Variants in SEMA6D observed in about 807,000 individuals in gnomAD.
SEMA6D encodes semaphorin 6D.
Under a neutral mutation model 106.6 loss-of-function variants are expected in SEMA6D, and 35 were observed. The observed-to-expected ratio is 0.33, with a 90% confidence interval of 0.25 to 0.44. The LOEUF (loss-of-function observed/expected upper bound fraction) is 0.44. Ranked by LOEUF, SEMA6D falls within the 20% of genes least tolerant of loss-of-function variation. The pLI is 1.00. For synonymous variants in SEMA6D, 499 were observed against 487.7 expected (o/e 1.02, Z -0.31); for missense variants, 1,185 against 1,345.9 (o/e 0.88, Z 1.87).
At chr15:47,320,286 C>G (rs954983257) in intron 1 of SEMA6D, among the ~76,000 whole-genome samples, 1 of 152,164 alleles carries the variant, frequency 6.6e-6, no homozygotes, top group African/African-American at 2.4e-5. Context: ...CTCACTACAG[C>G]ACCATCCTCT....
chr15:47,457,364 A>C (rs760238545), intron 2 of SEMA6D, among the ~76,000 whole-genome samples: 6 of 152,018 alleles, frequency 3.9e-5, no homozygotes, highest in Non-Finnish European at 8.8e-5. Flanking sequence ...AAATAACATC[A>C]ATCAATATAA....
intron 1 of SEMA6D, among the ~76,000 whole-genome samples, chr15:47,196,402 T>C (rs879565038): frequency 2.6e-5 from 4 of 152,138 alleles, no homozygotes; most frequent in Admixed American, 2.6e-4. Context: ...ATTATATCCC[T>C]TGGGAGACCT....
chr15:47,555,561 A>G lies in SEMA6D; in HGVS notation c.-86-45304A>G, dbSNP rs577429227. ...AACATTATGTGGGTATGTGTAGTCC[A>G]AGTTACTAAATTTACTGAACATCAA... On this transcript the variant is annotated intron_variant, in intron 3 of 19. Transcript: ENST00000558014. Among the ~76,000 whole-genome samples, 10 of 152,276 alleles carry G rather than the reference A, an allele frequency of 6.6e-5. No individual in the cohort carries two copies. In the East Asian group the frequency reaches 1.9e-3, roughly 29 times the overall value.
rs576744793 is a variant in SEMA6D, at chr15:47,245,154, A to G, written c.-239+60736A>G. Among the ~76,000 whole-genome samples, 85 of 152,226 alleles carry G rather than the reference A, an allele frequency of 5.6e-4. 2 individuals are homozygous for G. The highest frequency in any genetic ancestry group is 3.3e-3 in the South Asian group (16 of 4,830). On this transcript the variant is annotated intron_variant, in intron 1 of 19. Coordinates refer to the SEMA6D transcript ENST00000558014. Reference sequence around the variant, plus strand: ...TTTTGTGAATGTGTATAGTACTGCAATGAATATACAAGTGCATGTGTCTTT... The same window carrying G: ...TTTTGTGAATGTGTATAGTACTGCAGTGAATATACAAGTGCATGTGTCTTT...
intron 3 of SEMA6D, among the ~76,000 whole-genome samples, chr15:47,478,514 G>A (rs567480766): frequency 2.1e-4 from 32 of 152,258 alleles, no homozygotes; most frequent in South Asian, 4.1e-4. Flanking sequence ...TAACCAGAAC[G>A]GTCAGGCTAA....
chr15:47,424,277 A>C (rs1273372177), intron 2 of SEMA6D, among the ~76,000 whole-genome samples: 1 of 152,068 alleles, frequency 6.6e-6, no homozygotes, highest in South Asian at 2.1e-4. Flanking sequence ...GATGTCTAAC[A>C]TGGAAATTTA....
At chr15:47,321,781 A>T (rs1023496471) in intron 1 of SEMA6D, among the ~76,000 whole-genome samples, 6 of 152,150 alleles carry the variant, frequency 3.9e-5, no homozygotes, top group African/African-American at 1.4e-4. Context: ...ATAGTTACAG[A>T]GAGTGGCTAC....
chr15:47,628,582 C>T (rs1566945264), intron 4 of SEMA6D, among the ~76,000 whole-genome samples: 1 of 151,934 alleles, frequency 6.6e-6, no homozygotes, highest in Non-Finnish European at 1.5e-5. Context: ...TTCCCATTCT[C>T]TAGTGGGATT....
At chr15:47,461,643 G>A (rs77105518) in intron 2 of SEMA6D, among the ~76,000 whole-genome samples, 3,492 of 152,122 alleles carry the variant, frequency 0.023, 84 homozygotes, top group African/African-American at 0.06. Flanking sequence ...GGATGTTCGG[G>A]AAAAGCTTCA....
chr15:47,322,763 T>C (rs1352540998), intron 1 of SEMA6D, among the ~76,000 whole-genome samples: 1 of 152,210 alleles, frequency 6.6e-6, no homozygotes, highest in African/African-American at 2.4e-5. Context: ...TAGTGTTAAT[T>C]GGTGGATGTT....
Position 47,770,624 on chromosome 15 carries a change from A to T in SEMA6D, c.2061A>T (p.Arg687=). The change falls in exon 19 of 19, where the codon CGA becomes CGT. Residue 687 remains arginine (R), a synonymous_variant. Transcript: ENST00000536845. ...CAGGTGTGGCAGTATACTGCTATCG[A>T]GACATGTTTGTTCGGAAAAACAGAA... is the stretch of plus-strand genomic sequence containing the variant. ...FIAGVAVYCY[R]DMFVRKNRKI... is the part of the protein sequence containing the mutation. 1 of 1,614,006 alleles carries T rather than the reference A, an allele frequency of 6.2e-7. No homozygotes were observed. Among genetic ancestry groups the T allele is most frequent in the Non-Finnish European group, 8.5e-7 (1 of 1,179,966 alleles).
At chr15:47,556,413 T>C (rs1289669338) in intron 3 of SEMA6D, among the ~76,000 whole-genome samples, 1 of 152,156 alleles carries the variant, frequency 6.6e-6, no homozygotes, top group Non-Finnish European at 1.5e-5. Flanking sequence ...TCATATGAAA[T>C]AGACCAAGAA....
chr15:47,388,518 C>T (rs1011673213), intron 1 of SEMA6D, among the ~76,000 whole-genome samples: 5 of 152,158 alleles, frequency 3.3e-5, no homozygotes, highest in Non-Finnish European at 7.3e-5. Flanking sequence ...AGTGTATTCA[C>T]GCTGCAGGCA....
intron 1 of SEMA6D, among the ~76,000 whole-genome samples, chr15:47,357,069 T>G (rs897561208): frequency 6.6e-6 from 1 of 151,682 alleles, no homozygotes; most frequent in African/African-American, 2.4e-5. Context: ...ATGCGGTGGC[T>G]CTCGTCTGTA....
At chr15:47,248,538 A>G (rs2033328260) in intron 1 of SEMA6D, among the ~76,000 whole-genome samples, 1 of 152,232 alleles carries the variant, frequency 6.6e-6, no homozygotes, top group Non-Finnish European at 1.5e-5. Context: ...CGGTTAAATT[A>G]TGTTTGCTAT....
At chr15:47,531,490 T>C (rs2142066153) in intron 3 of SEMA6D, among the ~76,000 whole-genome samples, 1 of 152,320 alleles carries the variant, frequency 6.6e-6, no homozygotes, top group South Asian at 2.1e-4. Flanking sequence ...GATGCTATTT[T>C]AAAAAAGCAC....
At chr15:47,485,960 G>A (rs2043284536) in intron 3 of SEMA6D, among the ~76,000 whole-genome samples, 1 of 152,190 alleles carries the variant, frequency 6.6e-6, no homozygotes, top group East Asian at 1.9e-4. Context: ...GAAAGGACAA[G>A]ATGTCCAGAA....
At chr15:47,327,220 G>C (rs189757564) in intron 1 of SEMA6D, among the ~76,000 whole-genome samples, 1 of 152,076 alleles carries the variant, frequency 6.6e-6, no homozygotes, top group Non-Finnish European at 1.5e-5. Flanking sequence ...TTCTTCACTT[G>C]TAAAATGCTG....
At chr15:47,750,040 T>A in intron 1 of SEMA6D, among the ~76,000 whole-genome samples, 1 of 152,062 alleles carries the variant, frequency 6.6e-6, no homozygotes, top group East Asian at 1.9e-4. Flanking sequence ...TGATGCATAG[T>A]CATTAAAGTT....
Sources: allele counts gnomAD v4.1 joint callset (sites outside exome capture counted in the v4.1 genomes callset), GRCh38; gene constraint gnomAD v4.1.1; transcripts MANE v1.5; gene names NCBI Gene and HGNC (gene_info 2026-07-23, HGNC 2026-07-21).